The following CUX1 variants were observed in gnomAD, a reference collection of about 807,000 sequenced individuals.
CUX1 encodes protein CASP.
In CUX1, 31 loss-of-function variants were observed where a neutral mutation model predicts 158.8. The observed-to-expected ratio is 0.20, with a 90% CI of 0.15 to 0.26. The LOEUF is 0.26. Among genes scored for constraint, CUX1 ranks in the 10% least tolerant of loss-of-function variants. The pLI, the probability that CUX1 is intolerant of heterozygous loss-of-function variation, is 1.00. For missense variants in CUX1, 1,589 were observed against 2,014.6 expected (o/e 0.79, Z 4.04); for synonymous variants, 879 against 862.1 (o/e 1.02, Z -0.34).
intron 1 of CUX1, chr7:101,822,554 A>G (rs920552707): frequency 6.6e-6 from 1 of 152,184 alleles, no homozygotes; most frequent in African/African-American, 2.4e-5. Flanking sequence ...TTTAAAAAGC[A>G]TTTGTGCTGC....
At chr7:102,093,242 AAAAG>A (rs1234536848) in intron 4 of CUX1, among the ~76,000 whole-genome samples, 2,526 of 116,058 alleles carry the variant, frequency 0.022, 36 homozygotes, top group Non-Finnish European at 0.034. Flanking sequence ...AAAAAAAAAA[AAAAG>A]AAAGTCATAG....
At chr7:102,197,394 G>A (rs1005874652) in intron 15 of CUX1, 89 bp downstream of exon 15, 175 of 1,407,076 alleles carry the variant, frequency 1.2e-4, no homozygotes, top group East Asian at 2.5e-4. Context: ...GTCTGTGTGC[G>A]TGATGAAACA....
intron 1 of CUX1, 122 bp from the exon 2 acceptor site, chr7:101,915,993 G>A: frequency 1.4e-6 from 1 of 698,682 alleles, no homozygotes; most frequent in Non-Finnish European, 2.6e-6. Flanking sequence ...CTGCCAATGA[G>A]TTGATGTTCC....
chr7:101,832,248 G>A (rs1169599180), intron 1 of CUX1, among the ~76,000 whole-genome samples: 2 of 152,194 alleles, frequency 1.3e-5, no homozygotes, highest in Non-Finnish European at 2.9e-5. Flanking sequence ...TGGCATTTCA[G>A]GCAGGGACCA....
intron 9 of CUX1, among the ~76,000 whole-genome samples, chr7:102,167,945 TTG>T (rs1310152034): frequency 6.6e-6 from 1 of 151,856 alleles, no homozygotes; most frequent in Non-Finnish European, 1.5e-5. Context: ...GGTTGTGGCA[TTG>T]TGTGTCTGTA....
chr7:102,211,376 G>T (rs1554523094), intron 20 of CUX1, among the ~76,000 whole-genome samples: 1 of 152,064 alleles, frequency 6.6e-6, no homozygotes, highest in Non-Finnish European at 1.5e-5. Context: ...AACCCAGGAG[G>T]TGGAGGCTGC....
chr7:101,867,582 T>C (rs1798063176), intron 1 of CUX1, among the ~76,000 whole-genome samples: 1 of 152,208 alleles, frequency 6.6e-6, no homozygotes, highest in Admixed American at 6.5e-5. Flanking sequence ...ACAGTCTGCC[T>C]GGGAAACTGA....
chr7:102,149,307 C>G (rs1835359464), intron 8 of CUX1, among the ~76,000 whole-genome samples: 1 of 152,126 alleles, frequency 6.6e-6, no homozygotes, highest in Non-Finnish European at 1.5e-5. Context: ...TGCAGAGGCC[C>G]TTGTACCACT....
intron 10 of CUX1, among the ~76,000 whole-genome samples, chr7:102,175,760 C>T (rs542366600): frequency 2.0e-4 from 30 of 152,290 alleles, no homozygotes; most frequent in African/African-American, 5.8e-4. Context: ...TTGGCCCTGC[C>T]CGGCATTATT....
At chr7:101,953,092 C>T (rs966267107) in intron 2 of CUX1, among the ~76,000 whole-genome samples, 12 of 152,206 alleles carry the variant, frequency 7.9e-5, no homozygotes, top group Non-Finnish European at 1.5e-4. Context: ...CTGGGGAAGT[C>T]GAGTCAGCCC....
In CUX1 at chr7:102,253,884, C is replaced by A; in HGVS notation, c.*4842C>A. ...TGTGCTGCCGGTGGGGGGCCCTGTCCCTCCCCAGATGTCCTCCCTCTTCTT... is the reference window on the plus strand; with the variant it reads ...TGTGCTGCCGGTGGGGGGCCCTGTCACTCCCCAGATGTCCTCCCTCTTCTT... On this transcript the variant is annotated 3_prime_UTR_variant, in exon 24 of 24. Coordinates refer to ENST00000292535, the MANE Select transcript of CUX1 (RefSeq NM_181552.4). 1 of 985,640 alleles carries A rather than the reference C, an allele frequency of 1.0e-6. No homozygotes were observed. The highest frequency in any genetic ancestry group is 1.2e-6 in the Non-Finnish European group (1 of 830,190). 61.1% of individuals were successfully genotyped at this position (985,640 alleles called of 1,614,324 possible). A position where few individuals can be genotyped will look rare whatever the true frequency, so the allele number is the denominator to read the frequency against.
intron 2 of CUX1, among the ~76,000 whole-genome samples, chr7:101,943,097 T>C (rs1461014483): frequency 6.7e-6 from 1 of 149,778 alleles, no homozygotes; most frequent in Non-Finnish European, 1.5e-5. Context: ...TTTTTTTTTT[T>C]TTTTTTACTT....
At chr7:101,864,910 T>C (rs1797793220) in intron 1 of CUX1, among the ~76,000 whole-genome samples, 1 of 152,212 alleles carries the variant, frequency 6.6e-6, no homozygotes. Flanking sequence ...GGGTGCTTCA[T>C]GATATATTAA....
chr7:102,256,383 G>A lies in CUX1; in HGVS notation c.*7341G>A. 2 of 985,272 alleles carry A rather than the reference G, an allele frequency of 2.0e-6. No individual in the cohort carries two copies. The highest frequency in any genetic ancestry group is 4.7e-5 in the South Asian group (1 of 21,284). 61.0% of individuals were successfully genotyped at this position (985,272 alleles called of 1,614,324 possible). On this transcript the variant is annotated 3_prime_UTR_variant, in exon 24 of 24. Transcript: ENST00000292535. ...AATCATTTAAGTACTTATCAGGAGTGTATTGTTATTTTGTGTTTTGTTGTC... is the reference window on the plus strand; with the variant it reads ...AATCATTTAAGTACTTATCAGGAGTATATTGTTATTTTGTGTTTTGTTGTC...
At chr7:102,093,253 A>T (rs1554482936) in intron 4 of CUX1, among the ~76,000 whole-genome samples, 1 of 144,990 alleles carries the variant, frequency 6.9e-6, no homozygotes, top group African/African-American at 2.6e-5. Context: ...AAAGAAAGTC[A>T]TAGCTCTCTG....
intron 15 of CUX1, 150 bp from the exon 16 acceptor site, chr7:102,198,652 C>A (rs897216554): frequency 7.5e-6 from 5 of 664,628 alleles, no homozygotes; most frequent in Non-Finnish European, 1.1e-5. Context: ...AAGGGCCTCT[C>A]AGAAGATTCT....
At chr7:102,264,278 T>C (rs1459670072) in intron 14 of CUX1, among the ~76,000 whole-genome samples, 7 of 152,138 alleles carry the variant, frequency 4.6e-5, no homozygotes, top group African/African-American at 1.7e-4. Context: ...AGTGCTGGGA[T>C]TACAGGCATG....
chr7:102,258,472 C>T (rs782578636), downstream of CUX1, among the ~76,000 whole-genome samples: 12 of 152,182 alleles, frequency 7.9e-5, no homozygotes, highest in Non-Finnish European at 1.3e-4. Context: ...GGAAGGGCTT[C>T]GCCAGGGCCT....
intron 18 of CUX1, among the ~76,000 whole-genome samples, chr7:102,278,758 A>G (rs1791818967): frequency 6.6e-6 from 1 of 151,318 alleles, no homozygotes; most frequent in African/African-American, 2.4e-5. Flanking sequence ...ATAGAAAAGA[A>G]AATACTAGCC....
Sources: gnomAD v4.1 joint callset for allele counts (sites outside exome capture counted in the v4.1 genomes callset) on GRCh38, gnomAD v4.1.1 for gene constraint, MANE v1.5 for transcripts, NCBI Gene and HGNC (gene_info 2026-07-23, HGNC 2026-07-21) for gene names.